The following FANCA variants were observed in gnomAD, a reference collection of about 807,000 sequenced individuals.
FANCA encodes the protein FA complementation group A.
In FANCA, 236 loss-of-function variants were observed where a neutral mutation model predicts 194.3. The ratio of observed to expected loss-of-function variants is 1.21; its 90% CI spans 1.09 to 1.35. FANCA has a LOEUF of 1.35. FANCA is among the 40% of genes most tolerant of loss of function. FANCA has a pLI of 0.00. For missense variants in FANCA, 2,628 were observed against 1,813.9 expected, an observed-to-expected ratio of 1.45 and a Z score of -8.15; for synonymous variants, 1,014 against 715.8, an observed-to-expected ratio of 1.42 and a Z score of -6.65.
chr16:89,803,710 C>A (rs2040537373), intron 7 of FANCA, among the ~76,000 whole-genome samples: 1 of 151,564 alleles, frequency 6.6e-6, no homozygotes, highest in South Asian at 2.1e-4. Context: ...GCAACCTCCG[C>A]CTCCCAGGTT....
intron 37 of FANCA, among the ~76,000 whole-genome samples, chr16:89,742,283 C>T (rs1169187217): frequency 6.6e-6 from 1 of 151,902 alleles, no homozygotes; most frequent in Non-Finnish European, 1.5e-5. Flanking sequence ...GGACTACAGA[C>T]CCCCATCTCA....
At chr16:89,803,401 T>C (rs1202327397) in intron 7 of FANCA, 60 bp from the exon 8 acceptor site, 3 of 1,467,190 alleles carry the variant, frequency 2.0e-6, no homozygotes, top group Non-Finnish European at 2.9e-6. Flanking sequence ...CAACTGTGAA[T>C]GGCACAGACC....
At chr16:89,742,726 A>C in intron 37 of FANCA, 74 bp downstream of exon 37, 1 of 1,545,632 alleles carries the variant, frequency 6.5e-7, no homozygotes, top group Admixed American at 1.7e-5. Flanking sequence ...TTCATCAGAC[A>C]AGCCCAGAGA....
chr16:89,795,664 T>C (rs1396641595), intron 11 of FANCA, among the ~76,000 whole-genome samples: 2 of 152,214 alleles, frequency 1.3e-5, no homozygotes, highest in African/African-American at 2.4e-5. Flanking sequence ...AAGATATTTC[T>C]ATTTTAATGA....
chr16:89,792,411 G>A (rs1270608120), intron 12 of FANCA, 60 bp downstream of exon 12: 3 of 1,528,390 alleles, frequency 2.0e-6, no homozygotes, highest in Non-Finnish European at 2.7e-6. Flanking sequence ...ACAAGTACTA[G>A]GCAGATCTTA....
At chr16:89,767,115 G>C (rs767053352) in intron 27 of FANCA, 26 bp downstream of exon 27, 13 of 1,560,470 alleles carry the variant, frequency 8.3e-6, no homozygotes. Flanking sequence ...TGGCAGAATG[G>C]AAAAATAGGA....
intron 5 of FANCA, among the ~76,000 whole-genome samples, chr16:89,809,970 G>C (rs1022212182): frequency 2.6e-4 from 40 of 151,898 alleles, no homozygotes; most frequent in African/African-American, 7.7e-4. Flanking sequence ...ACGTTGCAGT[G>C]AGCCAAGATT....
intron 28 of FANCA, 122 bp downstream of exon 28, chr16:89,764,768 G>C (rs1041451245): frequency 6.8e-6 from 8 of 1,182,376 alleles, no homozygotes; most frequent in Middle Eastern, 1.9e-4. Context: ...CCCTAGACTC[G>C]GGACGTGGCA....
At chr16:89,784,708 T>TGGGGAA (rs146134541) in intron 15 of FANCA, 146 bp downstream of exon 15, 123 of 744,458 alleles carry the variant, frequency 1.7e-4, no homozygotes, top group Admixed American at 1.3e-3. Flanking sequence ...ATAAACGGCT[T>TGGGGAA]GGGGAAGGGG....
chr16:89,772,958 G>T (rs755814001), intron 22 of FANCA, among the ~76,000 whole-genome samples: 1 of 152,148 alleles, frequency 6.6e-6, no homozygotes, highest in East Asian at 1.9e-4. Flanking sequence ...CATCGACTCC[G>T]GCAGGCAGGA....
chr16:89,770,927 G>C (rs934708044), intron 23 of FANCA, among the ~76,000 whole-genome samples: 1 of 152,262 alleles, frequency 6.6e-6, no homozygotes, highest in South Asian at 2.1e-4. Context: ...TTTGGGGCCA[G>C]AAACAGCCTC....
At chr16:89,760,134 C>G (rs937597279) in intron 29 of FANCA, among the ~76,000 whole-genome samples, 1 of 152,266 alleles carries the variant, frequency 6.6e-6, no homozygotes, top group Non-Finnish European at 1.5e-5. Flanking sequence ...AACTTCCACG[C>G]AGCGGTGACC....
chr16:89,769,719 A>G (rs1429231003), intron 26 of FANCA, 118 bp downstream of exon 26: 25 of 1,163,964 alleles, frequency 2.1e-5, no homozygotes, highest in Non-Finnish European at 3.1e-5. Context: ...AAAATGCTAA[A>G]AAGTGGTTAT....
At chr16:89,808,444 T>G (rs1480919712) in intron 5 of FANCA, 77 bp from the exon 6 acceptor site, 8 of 1,439,020 alleles carry the variant, frequency 5.6e-6, no homozygotes, top group Admixed American at 3.4e-5. Context: ...GAATGCATTT[T>G]CCTACAAAAT....
rs2039202259 is a variant in FANCA at position 89,768,384 on chromosome 16, T to G, written c.2505-1147A>C. Among the ~76,000 whole-genome samples the G allele has an allele frequency of 2.0e-5, 3 of 152,186 alleles. No individual in the cohort carries two copies. In the South Asian group the frequency reaches 6.2e-4, roughly 31 times the overall value. ...TACTTCTGTTTTACTAATACATATT[T>G]GAGCTGGGCGTGGAGGCTCACACCT... is the stretch of plus-strand genomic sequence containing the variant. On this transcript the variant is annotated intron_variant, in intron 26 of 42. Coordinates refer to ENST00000389301, the MANE Select transcript of FANCA (RefSeq NM_000135.4).
chr16:89,794,231 A>C (rs1362391545), intron 11 of FANCA, among the ~76,000 whole-genome samples: 1 of 152,196 alleles, frequency 6.6e-6, no homozygotes, highest in Admixed American at 6.5e-5. Flanking sequence ...CCAATGTACC[A>C]ACTGCATTTC....
chr16:89,802,266 AT>A (rs71391244), intron 8 of FANCA, among the ~76,000 whole-genome samples: 5,418 of 135,970 alleles, frequency 0.04, 186 homozygotes, highest in South Asian at 0.1. Flanking sequence ...ACGCCCGGCT[AT>A]TTTTTTTTTT....
chr16:89,810,831 A>C (rs2040848424), intron 4 of FANCA, 29 bp from the exon 5 acceptor site: 2 of 1,612,938 alleles, frequency 1.2e-6, no homozygotes, highest in Admixed American at 3.3e-5. Context: ...TTTTTTAAAA[A>C]ACAAATTACC....
chr16:89,750,546 T>C (rs2038552456), intron 31 of FANCA, among the ~76,000 whole-genome samples: 1 of 151,352 alleles, frequency 6.6e-6, no homozygotes, highest in Non-Finnish European at 1.5e-5. Flanking sequence ...CCCAGAACTT[T>C]GGGAGGCCAA....
Sources: gnomAD v4.1 joint callset for allele counts (sites outside exome capture counted in the v4.1 genomes callset) on GRCh38, gnomAD v4.1.1 for gene constraint, MANE v1.5 for transcripts, NCBI Gene and HGNC (gene_info 2026-07-23, HGNC 2026-07-21) for gene names.